The following BAZ2B variants were observed in gnomAD, a reference collection of about 807,000 sequenced individuals.
The protein encoded by BAZ2B is bromodomain adjacent to zinc finger domain 2B, also known as bromodomain adjacent to zinc finger domain protein 2B.
BAZ2B carries 91 observed loss-of-function variants against 246.0 expected under a neutral mutation model. The ratio of observed to expected loss-of-function variants is 0.37; its 90% CI spans 0.31 to 0.44. The LOEUF (loss-of-function observed/expected upper bound fraction) is 0.44, where lower values mean the gene tolerates loss of function less well. Ranked by LOEUF, BAZ2B falls within the 20% of genes least tolerant of loss-of-function variation. The pLI is 1.00. For missense variants in BAZ2B, 2,332 were observed against 2,533.7 expected, an observed-to-expected ratio of 0.92 and a Z score of 1.71; for synonymous variants, 855 against 860.0, an observed-to-expected ratio of 0.99 and a Z score of 0.10.
At position 159,453,707 on chromosome 2, in the gene BAZ2B, A is replaced by T; in HGVS notation, c.240T>A (p.His80Gln). Residue 80 changes from histidine (H) to glutamine (Q), a missense_variant, in exon 4 of 37, where the codon CAT (histidine) becomes CAA (glutamine). Around this residue, in one of 9 missense-constraint regions of BAZ2B, gnomAD observed 242 missense variants for 237.4 expected, o/e 1.02. Coordinates refer to ENST00000392783, the MANE Select transcript of BAZ2B (RefSeq NM_013450.4). ...ATTCTGAATGCCCTGAGCTGGCTGAATGTAGACCAAAGACTGGGTGGCTGA... is the reference window on the plus strand; with the variant it reads ...ATTCTGAATGCCCTGAGCTGGCTGATTGTAGACCAAAGACTGGGTGGCTGA... The part of the protein sequence containing the change: ...PMVSHPVFGL[H>Q]SASSGHSEFG... 6.2e-7 allele frequency: 1 copy of T among 1,613,874 alleles called. No individual in the cohort carries two copies. Among genetic ancestry groups the T allele is most frequent in the Non-Finnish European group, 8.5e-7 (1 of 1,179,896 alleles).
chr2:159,468,421 G>T (rs1455587875), intron 3 of BAZ2B, among the ~76,000 whole-genome samples: 1 of 152,160 alleles, frequency 6.6e-6, no homozygotes, highest in Non-Finnish European at 1.5e-5. Context: ...AGGTACAGAG[G>T]AGACCCAGAG....
At chr2:159,471,522 T>C (rs1049438425) in intron 3 of BAZ2B, among the ~76,000 whole-genome samples, 32 of 152,082 alleles carry the variant, frequency 2.1e-4, no homozygotes, top group African/African-American at 7.7e-4. Flanking sequence ...CCTCAAAGGT[T>C]GAGACTGCAG....
chr2:159,613,483 TTCA>T (rs10693275), intron 1 of BAZ2B, among the ~76,000 whole-genome samples: 4 of 149,856 alleles, frequency 2.7e-5, no homozygotes, highest in Non-Finnish European at 5.9e-5. Context: ...AAAAAGACTC[TTCA>T]TCATCGTAGG....
At chr2:159,374,081 T>C (rs1371852658) in intron 26 of BAZ2B, among the ~76,000 whole-genome samples, 2 of 150,192 alleles carry the variant, frequency 1.3e-5, no homozygotes, top group Non-Finnish European at 3.0e-5. Flanking sequence ...TTTTTCTTTT[T>C]TTTTTTTTTT....
At position 159,438,463 on chromosome 2, in the gene BAZ2B, G is replaced by A. The variant is rs759249025; in HGVS notation, c.1133C>T (p.Thr378Met). Reference sequence around the variant, plus strand: ...AGGTTTCACATTGGACACCAATCCCGTAGACTGTATTACACTGGTGTGTTT... The same window carrying A: ...AGGTTTCACATTGGACACCAATCCCATAGACTGTATTACACTGGTGTGTTT... ...VNKHTSVIQSTGLVSNVKPLS... is the reference protein window; with the variant it reads ...VNKHTSVIQSMGLVSNVKPLS... Residue 378 changes from threonine (T) to methionine (M), a missense_variant, in exon 8 of 37, where the codon ACG (threonine) becomes ATG (methionine). By Grantham distance (81) the Thr-to-Met change is moderately conservative. This residue lies in a region of BAZ2B where 161 missense variants were observed against 225.8 expected (regional missense o/e 0.71). Coordinates refer to ENST00000392783, the MANE Select transcript of BAZ2B (RefSeq NM_013450.4). 3.1e-6 allele frequency: 5 copies of A among 1,614,098 alleles called. No homozygotes were observed. The highest frequency in any genetic ancestry group is 1.1e-5 in the South Asian group (1 of 91,072).
chr2:159,315,608 C>A (rs1050056990), downstream of BAZ2B, among the ~76,000 whole-genome samples: 13 of 152,160 alleles, frequency 8.5e-5, 1 homozygote, highest in Non-Finnish European at 1.8e-4. Context: ...TCCAAGAGAA[C>A]AAGGCGGAAG....
At position 159,407,212 on chromosome 2, in the gene BAZ2B, C is replaced by T. The variant is rs556920478; in HGVS notation, c.2678-2098G>A. On this transcript the variant is annotated intron_variant, in intron 14 of 36. Transcript: ENST00000392783. ...ACTGGCTGGGCACAGTGGCTCATGC[C>T]TGTAATCCCAGCACTTTGGGAGGCT... is the stretch of plus-strand genomic sequence containing the variant. Among the ~76,000 whole-genome samples, 4 of 152,052 alleles carry T rather than the reference C, an allele frequency of 2.6e-5. No individual in the cohort carries two copies. In the South Asian group the frequency reaches 8.3e-4, roughly 32 times the overall value.
At chr2:159,690,627 G>A in the BAZ2B span, among the ~76,000 whole-genome samples, 1 of 152,056 alleles carries the variant, frequency 6.6e-6, no homozygotes, top group Non-Finnish European at 1.5e-5. Context: ...TCCGCACACT[G>A]TATCTTTTCA....
rs544886945 is a variant in BAZ2B at position 159,437,072 on chromosome 2, C to T, written c.1293+1231G>A. On this transcript the variant is annotated intron_variant, in intron 8 of 36. Coordinates refer to ENST00000392783, the MANE Select transcript of BAZ2B (RefSeq NM_013450.4). ...TAGTAGCACTCATAGATATTATTACCAATAAGTTAACGTATGTTCAGCAAT... is the reference window on the plus strand; with the variant it reads ...TAGTAGCACTCATAGATATTATTACTAATAAGTTAACGTATGTTCAGCAAT... Among the ~76,000 whole-genome samples, 20 of 152,164 alleles carry T rather than the reference C, an allele frequency of 1.3e-4. No homozygotes were observed. In the East Asian group the frequency reaches 3.7e-3, roughly 28 times the overall value.
chr2:159,425,432 C>T (rs1244826845), intron 13 of BAZ2B, among the ~76,000 whole-genome samples: 1 of 152,190 alleles, frequency 6.6e-6, no homozygotes, highest in Non-Finnish European at 1.5e-5. Context: ...CCGCCTGCCT[C>T]AGCCTCCCAA....
In BAZ2B at chr2:159,320,433, A is replaced by G. The variant is rs1429177197; in HGVS notation, c.6354-15T>C. 2 of 1,537,318 alleles carry G rather than the reference A, an allele frequency of 1.3e-6. No individual in the cohort carries two copies. The highest frequency in any genetic ancestry group is 1.7e-6 in the Non-Finnish European group (2 of 1,149,580). On this transcript the variant is annotated splice_polypyrimidine_tract_variant and intron_variant, in intron 36 of 36. Coordinates refer to ENST00000392783, the MANE Select transcript of BAZ2B (RefSeq NM_013450.4). ...GGTTTGGATACCTGAAAGAAAACAA[A>G]TAATTAGAGATTGCGTTCATAGAGT...
chr2:159,613,795 C>A (rs1292036375), intron 1 of BAZ2B, among the ~76,000 whole-genome samples: 2 of 152,120 alleles, frequency 1.3e-5, no homozygotes, highest in Non-Finnish European at 2.9e-5. Flanking sequence ...AAACATTTTT[C>A]ACCTACCTAC....
intron 2 of BAZ2B, among the ~76,000 whole-genome samples, chr2:159,542,158 C>T (rs2086731324): frequency 6.6e-6 from 1 of 152,004 alleles, no homozygotes; most frequent in Admixed American, 6.6e-5. Flanking sequence ...ACAGAATGAA[C>T]AAAAGTGAAC....
rs1275691559 is a variant in BAZ2B at position 159,337,619 on chromosome 2, G to A, written c.5608C>T (p.Leu1870=). 2 of 1,614,056 alleles carry A rather than the reference G, an allele frequency of 1.2e-6. No homozygotes were observed. Among genetic ancestry groups the A allele is most frequent in the Admixed American group, 1.7e-5 (1 of 60,004 alleles). The change falls in exon 32 of 37, where the codon CTA becomes TTA. Residue 1870 remains leucine (L), a synonymous_variant. Transcript: ENST00000392783. ...HALERKSDNP[L]DIAVTRLADL... ...GCCAGCCTGGTTACAGCTATATCTA[G>A]GGGGTTGTCACTCTTCCGTTCTAGT...
intron 2 of BAZ2B, among the ~76,000 whole-genome samples, chr2:159,508,998 G>A (rs181505947): frequency 1.0e-3 from 158 of 152,126 alleles, no homozygotes; most frequent in Middle Eastern, 3.4e-3. Flanking sequence ...CCTGCCTTTT[G>A]GCTTAGTGGT....
the BAZ2B span, among the ~76,000 whole-genome samples, chr2:159,669,696 T>C: frequency 2.0e-5 from 3 of 152,196 alleles, no homozygotes; most frequent in East Asian, 5.8e-4. Context: ...GATGTTAATA[T>C]AGCTGTTTCT....
intron 1 of BAZ2B, among the ~76,000 whole-genome samples, chr2:159,569,214 C>A (rs1233224096): frequency 6.6e-6 from 1 of 152,070 alleles, no homozygotes; most frequent in Non-Finnish European, 1.5e-5. Context: ...TGTTCTCAAA[C>A]TGCTAGTGAA....
At chr2:159,525,170 G>A (rs2084597057) in intron 2 of BAZ2B, among the ~76,000 whole-genome samples, 1 of 152,160 alleles carries the variant, frequency 6.6e-6, no homozygotes, top group Admixed American at 6.6e-5. Context: ...AGCAGTGTAG[G>A]AATTTGAATA....
chr2:159,493,674 C>A (rs931442815), intron 2 of BAZ2B, among the ~76,000 whole-genome samples: 2 of 152,168 alleles, frequency 1.3e-5, no homozygotes, highest in Non-Finnish European at 2.9e-5. Flanking sequence ...TATTTATATT[C>A]ACTTAAAAGC....
Sources: allele counts gnomAD v4.1 joint callset (sites outside exome capture counted in the v4.1 genomes callset), GRCh38; gene constraint gnomAD v4.1.1; regional missense constraint gnomAD v4.1.1; transcripts MANE v1.5; gene names NCBI Gene and HGNC (gene_info 2026-07-23, HGNC 2026-07-21).